EPHB4: variants seen among roughly 807,000 people sequenced by gnomAD.
EPHB4 encodes ephrin type-B receptor 4.
In EPHB4, 50 loss-of-function variants were observed where a neutral mutation model predicts 110.6. The ratio of observed to expected loss-of-function variants is 0.45; its 90% CI spans 0.36 to 0.57. The LOEUF (loss-of-function observed/expected upper bound fraction) is 0.57. Among genes scored for constraint, EPHB4 ranks in the 20% least tolerant of loss-of-function variants. The probability of loss-of-function intolerance (pLI) is 0.00; values close to 1 mark genes in which losing one functional copy is unlikely to be tolerated. For missense variants in EPHB4, 1,128 were observed against 1,382.1 expected (o/e 0.82, Z 2.91); for synonymous variants, 592 against 578.4 (o/e 1.02, Z -0.34).
At chr7:100,813,604 C>A in intron 10 of EPHB4, 48 bp downstream of exon 10, 1 of 1,605,070 alleles carries the variant, frequency 6.2e-7, no homozygotes, top group Non-Finnish European at 8.5e-7. Context: ...ATAGGAGCCA[C>A]CACACCCGGC....
chr7:100,806,361 C>T, intron 14 of EPHB4, 59 bp downstream of exon 14: 14 of 1,562,116 alleles, frequency 9.0e-6, no homozygotes, highest in Non-Finnish European at 1.2e-5. Context: ...CACCCTTCAC[C>T]CCAAATCCCA....
chr7:100,823,715 A>C lies in EPHB4; in HGVS notation c.340T>G (p.Phe114Val), dbSNP rs1322156612. Residue 114 changes from phenylalanine (F) to valine (V), a missense_variant, in exon 3 of 17, where the codon TTC (phenylalanine) becomes GTC (valine). Physicochemically the swap from Phe to Val is conservative, Grantham distance 50. This residue lies in a region of EPHB4 where 728 missense variants were observed against 828.6 expected (regional missense o/e 0.88). Transcript: ENST00000358173. Reference protein sequence around the residue: ...GRSCKETFTVFYYESDADTAT... With the variant: ...GRSCKETFTVVYYESDADTAT... Reference sequence around the variant, plus strand: ...GTGTCCGCATCGCTCTCATAGTAGAAGACGGTGAAGGTCTCCTTGCAGGAG... The same window carrying C: ...GTGTCCGCATCGCTCTCATAGTAGACGACGGTGAAGGTCTCCTTGCAGGAG... 4 of 1,613,638 alleles carry C rather than the reference A, an allele frequency of 2.5e-6. No individual in the cohort carries two copies. Among genetic ancestry groups the C allele is most frequent in the Non-Finnish European group, 2.5e-6 (3 of 1,179,966 alleles).
intron 1 of EPHB4, chr7:100,824,780 T>C: frequency 6.2e-6 from 1 of 161,222 alleles, no homozygotes. Flanking sequence ...AAGGGAGCGC[T>C]CCGTGCCTGG....
rs572297761 is a variant in EPHB4, at chr7:100,806,646, C to T, written c.2335-77G>A. The T allele has an allele frequency of 4.7e-6, 7 of 1,496,868 alleles. 2 individuals are homozygous for T. In the African/African-American group the frequency reaches 6.9e-5, roughly 15 times the overall value. 92.7% of individuals were successfully genotyped at this position (1,496,868 alleles called of 1,614,324 possible). The stretch of plus-strand genomic sequence containing the variant: ...AGACCCAGCACACTGCCCCCCAGTC[C>T]CCCACCTGCCTCTGCTTTTTCCCCC... On this transcript the variant is annotated intron_variant, in intron 13 of 16. Coordinates refer to ENST00000358173, the MANE Select transcript of EPHB4 (RefSeq NM_004444.5).
At position 100,819,556 on chromosome 7, in the gene EPHB4, C is replaced by T; in HGVS notation, c.1297+1G>A. ...CAGCCGCCCCAGCCCCCAAGTCTCA[C>T]CCTCTCGGTCAGTGGTGACATTGAC... is the stretch of plus-strand genomic sequence containing the variant. On this transcript the variant is annotated splice_donor_variant, in intron 6 of 16. Coordinates refer to ENST00000358173, the MANE Select transcript of EPHB4 (RefSeq NM_004444.5). LOFTEE classifies it high-confidence loss of function. 6.4e-7 allele frequency: 1 copy of T among 1,551,500 alleles called. No homozygotes were observed. Among genetic ancestry groups the T allele is most frequent in the South Asian group, 1.2e-5 (1 of 82,512 alleles).
chr7:100,806,595 C>T, intron 13 of EPHB4, 26 bp from the exon 14 acceptor site: 1 of 1,602,242 alleles, frequency 6.2e-7, no homozygotes, highest in East Asian at 2.2e-5. Context: ...AAAAGGTGAG[C>T]TGGGGGACTC....
In EPHB4 at chr7:100,827,182, C is replaced by T; in HGVS notation, c.-152G>A. ...GGGCCCATGCGAGCGTGCGGGGCAC[C>T]GGGCGGCGGCGCCAAGTGTGGCCCC... On this transcript the variant is annotated 5_prime_UTR_variant, in exon 1 of 17. Coordinates refer to ENST00000358173, the MANE Select transcript of EPHB4 (RefSeq NM_004444.5). 1.5e-6 allele frequency: 1 copy of T among 666,228 alleles called. No homozygotes were observed. Among genetic ancestry groups the T allele is most frequent in the Non-Finnish European group, 2.1e-6 (1 of 467,048 alleles). 41.3% of individuals were successfully genotyped at this position (666,228 alleles called of 1,614,324 possible).
At chr7:100,808,135 G>A (rs1034362239) in intron 12 of EPHB4, among the ~76,000 whole-genome samples, 7 of 152,160 alleles carry the variant, frequency 4.6e-5, no homozygotes, top group African/African-American at 1.7e-4. Flanking sequence ...ATCGGATTAT[G>A]AGTTGAAAAA....
chr7:100,807,843 G>A (rs1812850318), intron 12 of EPHB4, among the ~76,000 whole-genome samples: 1 of 152,098 alleles, frequency 6.6e-6, no homozygotes, highest in Admixed American at 6.6e-5. Flanking sequence ...TGCCCAGGCT[G>A]GTCTTTAACT....
chr7:100,807,012 C>A (rs946453857), intron 13 of EPHB4, among the ~76,000 whole-genome samples: 1 of 152,024 alleles, frequency 6.6e-6, no homozygotes, highest in African/African-American at 2.4e-5. Context: ...GCCCAGTCTG[C>A]AGTACAGTGG....
At chr7:100,810,788 C>A (rs78524616) in intron 12 of EPHB4, among the ~76,000 whole-genome samples, 158 of 152,088 alleles carry the variant, frequency 1.0e-3, no homozygotes, top group African/African-American at 3.7e-3. Flanking sequence ...GTACAAAGCC[C>A]GGTCTTGAAC....
At chr7:100,820,615 G>A (rs1447457370) in intron 4 of EPHB4, 3 of 207,418 alleles carry the variant, frequency 1.4e-5, no homozygotes, top group Non-Finnish European at 1.9e-5. Flanking sequence ...CCCTGATCTC[G>A]GCAGTCTGGT....
intron 5 of EPHB4, 43 bp from the exon 6 acceptor site, chr7:100,819,932 C>A (rs879363473): frequency 2.8e-5 from 43 of 1,515,302 alleles, no homozygotes; most frequent in Non-Finnish European, 3.6e-5. Flanking sequence ...ACCTGCTCTG[C>A]GGTGGTGGGG....
At chr7:100,807,912 G>A (rs968288024) in intron 12 of EPHB4, among the ~76,000 whole-genome samples, 1 of 152,040 alleles carries the variant, frequency 6.6e-6, no homozygotes, top group African/African-American at 2.4e-5. Context: ...TACAGATGTT[G>A]AGTCACCGTA....
At chr7:100,819,049 C>G (rs1337135861) in intron 6 of EPHB4, among the ~76,000 whole-genome samples, 1 of 152,158 alleles carries the variant, frequency 6.6e-6, no homozygotes, top group African/African-American at 2.4e-5. Flanking sequence ...CCCAGTCCCA[C>G]TGGGGGCCTT....
chr7:100,822,721 C>A lies in EPHB4; in HGVS notation c.412-54G>T, dbSNP rs985925200. 7 of 1,462,510 alleles carry A rather than the reference C, an allele frequency of 4.8e-6. No individual in the cohort carries two copies. The highest frequency in any genetic ancestry group is 6.3e-6 in the Non-Finnish European group (7 of 1,104,742). The allele number at this position is 1,462,510 out of a possible 1,614,324, so 90.6% of individuals were successfully genotyped here. ...CTGTCCCCACTCCCTGAGGACCCAG[C>A]GGACTGTTGTGTTCTTCCCAGCTCA... On this transcript the variant is annotated intron_variant, in intron 3 of 16. Coordinates refer to ENST00000358173, the MANE Select transcript of EPHB4 (RefSeq NM_004444.5). This position sits in a 1 kb window ranked among gnomAD's most constrained non-coding sequence, Gnocchi z 4.7.
At chr7:100,825,024 G>C (rs921978238) in intron 1 of EPHB4, 2 of 151,816 alleles carry the variant, frequency 1.3e-5, no homozygotes, top group African/African-American at 4.9e-5. Flanking sequence ...AGGAAGGGGG[G>C]GGATTAGGAA....
rs1159661402 is a variant in EPHB4, at chr7:100,817,343, G to A, written c.1437C>T (p.Pro479=). The change falls in exon 8 of 17, where the codon CCC becomes CCT. Residue 479 remains proline, a synonymous_variant. Coordinates refer to ENST00000358173, the MANE Select transcript of EPHB4 (RefSeq NM_004444.5). ...ACGTCTTCAGGAACCGCACGCTGCT[G>A]GGACCCTCGGCGCCCTGTCCGGGAG... is the stretch of plus-strand genomic sequence containing the variant. ...VKYHEKGAEG[P]SSVRFLKTSE... 5.7e-6 allele frequency: 9 copies of A among 1,574,256 alleles called. No homozygotes were observed. The highest frequency in any genetic ancestry group is 1.4e-5 in the African/African-American group (1 of 73,642).
chr7:100,825,914 C>G (rs1015819257), intron 1 of EPHB4, among the ~76,000 whole-genome samples: 2 of 152,206 alleles, frequency 1.3e-5, no homozygotes, highest in Non-Finnish European at 1.5e-5. Context: ...TCCCCCTTCT[C>G]CGTTCTCTGA....
Sources: allele counts gnomAD v4.1 joint callset (sites outside exome capture counted in the v4.1 genomes callset), GRCh38; gene constraint gnomAD v4.1.1; regional missense constraint gnomAD v4.1.1; non-coding constraint Gnocchi (gnomAD v3.1); transcripts MANE v1.5; gene names NCBI Gene and HGNC (gene_info 2026-07-23, HGNC 2026-07-21).